EEFSEC: variants seen among roughly 807,000 people sequenced by gnomAD.
EEFSEC encodes the protein selenocysteine-specific elongation factor.
Under a neutral mutation model 42.1 loss-of-function variants are expected in EEFSEC, and 43 were observed. The observed-to-expected ratio is 1.02, with a 90% CI of 0.80 to 1.32. EEFSEC has a LOEUF of 1.32. Ranked by LOEUF, EEFSEC falls within the 40% of genes most tolerant of loss-of-function variation. The pLI is 0.00. For missense variants in EEFSEC, 745 were observed against 803.6 expected, an observed-to-expected ratio of 0.93 and a Z score of 0.88; for synonymous variants, 354 against 339.1, an observed-to-expected ratio of 1.04 and a Z score of -0.48.
At chr3:128,157,433 A>G (rs1944400895) in intron 1 of EEFSEC, among the ~76,000 whole-genome samples, 1 of 152,252 alleles carries the variant, frequency 6.6e-6, no homozygotes. Context: ...CCTTATATGG[A>G]GAAGATGCTA....
rs757997410 is a variant in EEFSEC at position 128,153,730 on chromosome 3, C to CCCGAGG, written c.229_234dup (p.Ala77_Glu78dup). On this transcript the variant is annotated inframe_insertion, in exon 1 of 7. Transcript: ENST00000254730. ...GTCTTTGCCCGAGTTCCAGGCAGCG[C>CCCGAGG]CCGAGGCCGAGCCCGAGCCCGGCGA... is the stretch of plus-strand genomic sequence containing the variant. 6.4e-7 allele frequency: 1 copy of CCCGAGG among 1,556,472 alleles called. No individual in the cohort carries two copies. The highest frequency in any genetic ancestry group is 1.9e-5 in the Admixed American group (1 of 53,608).
chr3:128,422,102 C>G, the EEFSEC span, among the ~76,000 whole-genome samples: 5 of 152,146 alleles, frequency 3.3e-5, no homozygotes, highest in Admixed American at 3.3e-4. Context: ...GGTCCCAGTT[C>G]AGCCTCCAGA....
intron 4 of EEFSEC, among the ~76,000 whole-genome samples, chr3:128,331,093 T>C (rs1576643683): frequency 4.6e-5 from 1 of 21,846 alleles, no homozygotes; most frequent in Non-Finnish European, 8.5e-5. Context: ...CTCTTCCCCC[T>C]TCCTCAATGC....
At chr3:128,290,658 A>G (rs114844741) in intron 4 of EEFSEC, among the ~76,000 whole-genome samples, 2,397 of 151,960 alleles carry the variant, frequency 0.016, 45 homozygotes, top group African/African-American at 0.054. Flanking sequence ...AGTATTGAGT[A>G]TTTCAATCCA....
intron 4 of EEFSEC, among the ~76,000 whole-genome samples, chr3:128,319,362 C>G (rs540679273): frequency 6.6e-6 from 1 of 152,296 alleles, no homozygotes; most frequent in African/African-American, 2.4e-5. Flanking sequence ...AGATCGAGAG[C>G]AGTAAAGCCA....
At chr3:128,292,424 C>T (rs1043033889) in intron 4 of EEFSEC, among the ~76,000 whole-genome samples, 4 of 151,592 alleles carry the variant, frequency 2.6e-5, no homozygotes, top group Non-Finnish European at 2.9e-5. Context: ...TGGAATAATT[C>T]GCCAATGAAG....
At chr3:128,410,961 G>A (rs1418624441), downstream of EEFSEC, among the ~76,000 whole-genome samples, 2 of 152,220 alleles carry the variant, frequency 1.3e-5, no homozygotes, top group Non-Finnish European at 2.9e-5. Context: ...AGCCCAGGGC[G>A]ACTCCCAGGA....
intron 5 of EEFSEC, 64 bp from the exon 6 acceptor site, chr3:128,358,153 A>C (rs2107588704): frequency 6.4e-7 from 1 of 1,571,902 alleles, no homozygotes; most frequent in South Asian, 1.2e-5. Context: ...CTAGGCACAC[A>C]GTCACAGCTC....
chr3:128,356,666 A>G (rs1368491401), intron 5 of EEFSEC, among the ~76,000 whole-genome samples: 5 of 152,216 alleles, frequency 3.3e-5, no homozygotes, highest in African/African-American at 1.2e-4. Context: ...GAAAAGGTGT[A>G]TGGTGAAAAG....
chr3:128,340,702 G>A (rs1000614149), intron 4 of EEFSEC, among the ~76,000 whole-genome samples: 1 of 152,214 alleles, frequency 6.6e-6, no homozygotes, highest in East Asian at 1.9e-4. Flanking sequence ...TACCACTAAG[G>A]AGTCAGGGTC....
At chr3:128,238,547 G>A (rs1176898845) in intron 1 of EEFSEC, among the ~76,000 whole-genome samples, 6 of 152,148 alleles carry the variant, frequency 3.9e-5, no homozygotes, top group Admixed American at 2.6e-4. Flanking sequence ...TTGCTCTGTC[G>A]CCCAGGCCAG....
rs1475399851 is a variant in EEFSEC at position 128,312,243 on chromosome 3, G to A, written c.787-28990G>A. 2.0e-5 allele frequency among the ~76,000 whole-genome samples: 3 copies of A among 152,180 alleles called. No individual in the cohort carries two copies. The East Asian group carries it at 5.8e-4, about 29-fold the overall frequency. ...AACCCTAGACAACCCTGTGAAGTAGGGACTGTTATCATCTCTCTCTGAGAT... is the reference window on the plus strand; with the variant it reads ...AACCCTAGACAACCCTGTGAAGTAGAGACTGTTATCATCTCTCTCTGAGAT... On this transcript the variant is annotated intron_variant, in intron 4 of 6. Coordinates refer to ENST00000254730, the MANE Select transcript of EEFSEC (RefSeq NM_021937.5).
At chr3:128,186,170 G>T (rs2065462930) in intron 1 of EEFSEC, among the ~76,000 whole-genome samples, 2 of 152,096 alleles carry the variant, frequency 1.3e-5, no homozygotes, top group Non-Finnish European at 1.5e-5. Context: ...ATTTTGATTT[G>T]CATTTCCCTG....
Position 128,408,234 on chromosome 3 carries a change from ACAAG to A in EEFSEC, c.1768_1771del (p.Lys590AlafsTer97). 6.2e-7 allele frequency: 1 copy of A among 1,606,514 alleles called. No individual in the cohort carries two copies. Among genetic ancestry groups the A allele is most frequent in the Non-Finnish European group, 8.5e-7 (1 of 1,176,012 alleles). Reference sequence around the variant, plus strand: ...TTCAAGCGTTATGTCTTCGACACCCACAAGCGCATGGTTCAGTCTCCCTGAGTGT... The same window carrying A: ...TTCAAGCGTTATGTCTTCGACACCCACGCATGGTTCAGTCTCCCTGAGTGT... On this transcript the variant is annotated frameshift_variant, in exon 7 of 7. Coordinates refer to ENST00000254730, the MANE Select transcript of EEFSEC (RefSeq NM_021937.5). LOFTEE classifies it high-confidence loss of function.
At chr3:128,159,374 A>G (rs1011462567) in intron 1 of EEFSEC, among the ~76,000 whole-genome samples, 1 of 152,200 alleles carries the variant, frequency 6.6e-6, no homozygotes, top group Non-Finnish European at 1.5e-5. Context: ...AATGGCCCCC[A>G]AGGCCATCCT....
chr3:128,382,993 G>T (rs899319264), intron 6 of EEFSEC, among the ~76,000 whole-genome samples: 1 of 152,126 alleles, frequency 6.6e-6, no homozygotes, highest in Non-Finnish European at 1.5e-5. Flanking sequence ...GGCTGGAGGC[G>T]CCCCCATTCC....
chr3:128,177,794 C>G (rs141937842), intron 1 of EEFSEC, among the ~76,000 whole-genome samples: 11 of 152,186 alleles, frequency 7.2e-5, no homozygotes, highest in Non-Finnish European at 1.6e-4. Context: ...TCAAATTTGT[C>G]TTGAAGGAGC....
At chr3:128,305,790 G>A (rs545372875) in intron 4 of EEFSEC, among the ~76,000 whole-genome samples, 72 of 152,036 alleles carry the variant, frequency 4.7e-4, no homozygotes, top group Non-Finnish European at 8.7e-4. Flanking sequence ...AGAATAATTT[G>A]TGCTTTTATC....
intron 4 of EEFSEC, among the ~76,000 whole-genome samples, chr3:128,301,396 CCT>C (rs1356837058): frequency 2.0e-5 from 3 of 152,188 alleles, no homozygotes; most frequent in Admixed American, 6.5e-5. Context: ...AGGCTGTGAA[CCT>C]CTCCTGGGCC....
Sources: gnomAD v4.1 joint callset for allele counts (sites outside exome capture counted in the v4.1 genomes callset) on GRCh38, gnomAD v4.1.1 for gene constraint, MANE v1.5 for transcripts, NCBI Gene and HGNC (gene_info 2026-07-23, HGNC 2026-07-21) for gene names.